AGMO: variants seen among roughly 807,000 people sequenced by gnomAD.
AGMO encodes the protein glyceryl-ether monooxygenase.
AGMO carries 75 observed loss-of-function variants against 60.2 expected under a neutral mutation model. That is an observed-to-expected ratio of 1.25 (90% CI 1.03 to 1.51). The LOEUF is 1.51. Among genes scored for constraint, AGMO ranks in the 40% most tolerant of loss-of-function variants. AGMO has a pLI of 0.00. For synonymous variants in AGMO, 261 were observed against 177.1 expected (o/e 1.47, Z -3.76); for missense variants, 763 against 525.5 (o/e 1.45, Z -4.42).
At chr7:15,530,425 C>T (rs567793781) in intron 3 of AGMO, among the ~76,000 whole-genome samples, 5 of 119,900 alleles carry the variant, frequency 4.2e-5, no homozygotes, top group Admixed American at 9.2e-5. Context: ...ATTCTAAATA[C>T]GTATTTCTAT....
At chr7:15,412,949 C>A (rs1780656281) in intron 5 of AGMO, among the ~76,000 whole-genome samples, 1 of 151,918 alleles carries the variant, frequency 6.6e-6, no homozygotes, top group Admixed American at 6.6e-5. Flanking sequence ...GTAATATTGA[C>A]AATAAATTAC....
chr7:15,362,031 T>C (rs1159998031), intron 12 of AGMO, among the ~76,000 whole-genome samples: 1 of 152,100 alleles, frequency 6.6e-6, no homozygotes, highest in Admixed American at 6.6e-5. Flanking sequence ...GAAGAGAATA[T>C]AGTGTCCTTA....
At chr7:15,210,965 G>A (rs960756446) in intron 12 of AGMO, among the ~76,000 whole-genome samples, 2 of 151,984 alleles carry the variant, frequency 1.3e-5, no homozygotes, top group African/African-American at 4.8e-5. Flanking sequence ...GAAAATAACA[G>A]TGTCATAAGT....
intron 2 of AGMO, among the ~76,000 whole-genome samples, chr7:15,556,929 A>G (rs1424382438): frequency 6.6e-6 from 1 of 152,042 alleles, no homozygotes; most frequent in Non-Finnish European, 1.5e-5. Context: ...AAGCCTGTCC[A>G]GAATCTGGTT....
chr7:15,195,941 C>T (rs1369675181), downstream of AGMO, among the ~76,000 whole-genome samples: 1 of 152,074 alleles, frequency 6.6e-6, no homozygotes, highest in African/African-American at 2.4e-5. Flanking sequence ...ACTCTACCTC[C>T]ATTCACTCTC....
chr7:15,553,748 G>T (rs981892189), intron 2 of AGMO, among the ~76,000 whole-genome samples: 6 of 151,470 alleles, frequency 4.0e-5, no homozygotes. Context: ...TCAAAAACCT[G>T]CCTGAAATTG....
chr7:15,148,292 T>C, the AGMO span, among the ~76,000 whole-genome samples: 1 of 152,136 alleles, frequency 6.6e-6, no homozygotes, highest in East Asian at 1.9e-4. Context: ...GATAGGTTTG[T>C]GGACATAGAG....
At chr7:15,356,807 A>C (rs890229059) in intron 12 of AGMO, among the ~76,000 whole-genome samples, 4 of 151,984 alleles carry the variant, frequency 2.6e-5, no homozygotes, top group Non-Finnish European at 4.4e-5. Flanking sequence ...AACTTTGTAC[A>C]CTTTATAAAA....
intron 12 of AGMO, among the ~76,000 whole-genome samples, chr7:15,241,486 A>AAAAAG (rs1782587451): frequency 6.8e-6 from 1 of 146,856 alleles, no homozygotes. Flanking sequence ...AAAAAAAAAA[A>AAAAAG]AAGACTAGGG....
At position 15,412,442 on chromosome 7, in the gene AGMO, G is replaced by A. The variant is rs188421629; in HGVS notation, c.609+6116C>T. On this transcript the variant is annotated intron_variant, in intron 5 of 12. Coordinates refer to ENST00000342526, the MANE Select transcript of AGMO (RefSeq NM_001004320.2). ...TAAGGGGGAAATCCTAGAAAGACAG[G>A]GACCACGGAAAGGGAGCCATAATAT... Among the ~76,000 whole-genome samples, 334 of 151,914 alleles carry A rather than the reference G, an allele frequency of 2.2e-3. 4 individuals are homozygous for A. The highest frequency in any genetic ancestry group is 7.5e-3 in the African/African-American group (309 of 41,476).
At chr7:15,136,855 G>T in the AGMO span, among the ~76,000 whole-genome samples, 1 of 151,188 alleles carries the variant, frequency 6.6e-6, no homozygotes, top group Non-Finnish European at 1.5e-5. Context: ...CCTCCTGTGG[G>T]ATGGTTTACC....
chr7:15,377,236 A>G (rs1391664841), intron 10 of AGMO, among the ~76,000 whole-genome samples: 1 of 152,122 alleles, frequency 6.6e-6, no homozygotes, highest in Non-Finnish European at 1.5e-5. Flanking sequence ...CTCAGCAAAG[A>G]AAAACACATG....
At chr7:15,420,835 C>G (rs1426400833) in intron 4 of AGMO, among the ~76,000 whole-genome samples, 17 of 152,128 alleles carry the variant, frequency 1.1e-4, no homozygotes, top group Non-Finnish European at 2.5e-4. Context: ...GCATTCAAAC[C>G]CATGTCATTC....
At chr7:15,409,788 T>C (rs578196280) in intron 5 of AGMO, among the ~76,000 whole-genome samples, 32 of 151,894 alleles carry the variant, frequency 2.1e-4, no homozygotes, top group Middle Eastern at 6.8e-3. Flanking sequence ...CTGCATAGTG[T>C]AGTAGATTAG....
intron 12 of AGMO, among the ~76,000 whole-genome samples, chr7:15,244,693 C>T (rs548026397): frequency 4.6e-5 from 7 of 152,146 alleles, no homozygotes; most frequent in African/African-American, 1.7e-4. Flanking sequence ...GCACTGTCGC[C>T]CAGGCTGGAG....
intron 3 of AGMO, among the ~76,000 whole-genome samples, chr7:15,480,122 G>C (rs1381951000): frequency 6.6e-6 from 1 of 152,126 alleles, no homozygotes; most frequent in African/African-American, 2.4e-5. Flanking sequence ...AAAAGGCATA[G>C]AAGAATCTGA....
intron 12 of AGMO, among the ~76,000 whole-genome samples, chr7:15,265,547 T>C (rs2128511144): frequency 6.6e-6 from 1 of 152,076 alleles, no homozygotes; most frequent in Middle Eastern, 3.4e-3. Flanking sequence ...AAAATAACTG[T>C]CACGGAAATG....
chr7:15,186,661 T>A, the AGMO span, among the ~76,000 whole-genome samples: 1 of 152,224 alleles, frequency 6.6e-6, no homozygotes, highest in Non-Finnish European at 1.5e-5. Context: ...AAATTGTTTT[T>A]AATATAAATT....
chr7:15,398,205 G>A (rs1379205174), intron 5 of AGMO, among the ~76,000 whole-genome samples: 1 of 152,150 alleles, frequency 6.6e-6, no homozygotes, highest in African/African-American at 2.4e-5. Context: ...TGGCGTGTGT[G>A]CAGCCAGATG....
Sources: allele counts gnomAD v4.1 joint callset (sites outside exome capture counted in the v4.1 genomes callset), GRCh38; gene constraint gnomAD v4.1.1; transcripts MANE v1.5; gene names NCBI Gene and HGNC (gene_info 2026-07-23, HGNC 2026-07-21).